The following CDH4 variants were observed in gnomAD, a reference collection of about 807,000 sequenced individuals.
The protein encoded by CDH4 is cadherin 4.
CDH4 carries 33 observed loss-of-function variants against 86.0 expected under a neutral mutation model. The ratio of observed to expected loss-of-function variants is 0.38; its 90% CI spans 0.29 to 0.51. The LOEUF is 0.51. CDH4 is among the 20% of genes least tolerant of loss of function. The pLI, the probability that CDH4 is intolerant of heterozygous loss-of-function variation, is 0.86. For missense variants in CDH4, 1,114 were observed against 1,307.4 expected, an observed-to-expected ratio of 0.85 and a Z score of 2.28; for synonymous variants, 555 against 549.4, an observed-to-expected ratio of 1.01 and a Z score of -0.14.
chr20:61,554,303 G>A (rs1260486865), intron 2 of CDH4, among the ~76,000 whole-genome samples: 1 of 152,184 alleles, frequency 6.6e-6, no homozygotes, highest in Non-Finnish European at 1.5e-5. Context: ...AGCTGATGAA[G>A]CTAAATTGCT....
chr20:61,353,684 CCCTCCT>C (rs2084728927), intron 2 of CDH4, among the ~76,000 whole-genome samples: 1 of 10,040 alleles, frequency 1.0e-4, no homozygotes, highest in Non-Finnish European at 1.8e-4. Context: ...CTCCTCCTCC[CCCTCCT>C]CCTCCCCTCC....
At chr20:61,565,062 T>TGG (rs2086254186) in intron 2 of CDH4, among the ~76,000 whole-genome samples, 1 of 101,218 alleles carries the variant, frequency 9.9e-6, no homozygotes, top group Admixed American at 1.0e-4. Flanking sequence ...GGTGGTGCTC[T>TGG]TGGTGGTGGT....
intron 4 of CDH4, among the ~76,000 whole-genome samples, chr20:61,825,785 A>G (rs1461592603): frequency 2.0e-5 from 3 of 152,178 alleles, no homozygotes; most frequent in Admixed American, 6.5e-5. Context: ...TTCATGTCCA[A>G]CCGAACACCT....
chr20:61,699,589 C>G (rs1469329498), intron 2 of CDH4, among the ~76,000 whole-genome samples: 6 of 152,224 alleles, frequency 3.9e-5, no homozygotes, highest in Non-Finnish European at 5.9e-5. Context: ...CAGCTTCCTG[C>G]CAAGTCATGT....
intron 3 of CDH4, among the ~76,000 whole-genome samples, chr20:61,750,362 A>C (rs561376160): frequency 6.6e-6 from 1 of 152,340 alleles, no homozygotes; most frequent in Admixed American, 6.5e-5. Flanking sequence ...ATACCAATAC[A>C]CTTAAAAATA....
chr20:61,877,055 GC>G (rs1403849959), intron 7 of CDH4, among the ~76,000 whole-genome samples: 1 of 152,162 alleles, frequency 6.6e-6, no homozygotes, highest in Non-Finnish European at 1.5e-5. Flanking sequence ...CCCCCAGCTG[GC>G]CTGGTGCACC....
intron 2 of CDH4, among the ~76,000 whole-genome samples, chr20:61,391,009 G>C (rs1161754288): frequency 3.9e-5 from 6 of 152,142 alleles, no homozygotes; most frequent in African/African-American, 1.4e-4. Context: ...ATACAAGCTG[G>C]GGAAGAGGAG....
intron 2 of CDH4, among the ~76,000 whole-genome samples, chr20:61,655,927 G>A (rs764228793): frequency 6.6e-6 from 1 of 152,206 alleles, no homozygotes; most frequent in Admixed American, 6.5e-5. Flanking sequence ...AGAGGACGTG[G>A]TTCTGAACAT....
chr20:61,726,901 A>C (rs116905405), intron 2 of CDH4, among the ~76,000 whole-genome samples: 1 of 151,748 alleles, frequency 6.6e-6, no homozygotes, highest in Non-Finnish European at 1.5e-5. Flanking sequence ...CATCATCATC[A>C]CTATCAGTGA....
At chr20:61,596,605 A>T (rs979352864) in intron 2 of CDH4, among the ~76,000 whole-genome samples, 2 of 152,192 alleles carry the variant, frequency 1.3e-5, no homozygotes, top group African/African-American at 2.4e-5. Context: ...ACAGTGGCTA[A>T]TGTTTACTGA....
chr20:61,322,790 G>A lies in CDH4; in HGVS notation c.169+67853G>A, dbSNP rs532501022. 3.9e-5 allele frequency among the ~76,000 whole-genome samples: 6 copies of A among 152,336 alleles called. No individual in the cohort carries two copies. In the East Asian group the frequency reaches 1.2e-3, roughly 29 times the overall value. On this transcript the variant is annotated intron_variant, in intron 2 of 15. Coordinates refer to ENST00000614565, the MANE Select transcript of CDH4 (RefSeq NM_001794.5). Reference sequence around the variant, plus strand: ...AACTGGAGAGGAAAGTGACAGACTGGGGTGGGGGCCCCTGGTTCAGTTCCC... The same window carrying A: ...AACTGGAGAGGAAAGTGACAGACTGAGGTGGGGGCCCCTGGTTCAGTTCCC...
intron 2 of CDH4, among the ~76,000 whole-genome samples, chr20:61,543,090 C>T (rs1199511143): frequency 6.6e-6 from 1 of 152,250 alleles, no homozygotes; most frequent in East Asian, 1.9e-4. Flanking sequence ...AGTCCTTCCA[C>T]GTTCCTCTGC....
At chr20:61,408,894 G>A (rs756131954) in intron 2 of CDH4, among the ~76,000 whole-genome samples, 13 of 152,274 alleles carry the variant, frequency 8.5e-5, no homozygotes, top group East Asian at 1.9e-4. Context: ...AGATGGCCAC[G>A]GGGTCACGGG....
intron 2 of CDH4, among the ~76,000 whole-genome samples, chr20:61,268,958 G>C (rs929800101): frequency 2.6e-5 from 4 of 152,154 alleles, no homozygotes; most frequent in African/African-American, 9.7e-5. Context: ...GGTGGGGACA[G>C]CCGCTGGTGT....
At chr20:61,286,683 ATG>A (rs1246082970) in intron 2 of CDH4, among the ~76,000 whole-genome samples, 1 of 152,234 alleles carries the variant, frequency 6.6e-6, no homozygotes, top group Non-Finnish European at 1.5e-5. Flanking sequence ...AAATAAAACA[ATG>A]AGAAGAGTTG....
At chr20:61,929,923 G>A (rs931910989) in intron 13 of CDH4, 81 bp downstream of exon 13, 7 of 1,106,526 alleles carry the variant, frequency 6.3e-6, no homozygotes, top group African/African-American at 4.6e-5. Context: ...GCAGAGGGGG[G>A]CCTGGATTTG....
intron 2 of CDH4, among the ~76,000 whole-genome samples, chr20:61,266,589 G>C (rs951935268): frequency 6.6e-6 from 1 of 151,874 alleles, no homozygotes; most frequent in African/African-American, 2.4e-5. Context: ...AAGGAGAAAC[G>C]CAGGCTGCAG....
At chr20:61,454,071 G>A (rs2085394407) in intron 2 of CDH4, among the ~76,000 whole-genome samples, 2 of 152,168 alleles carry the variant, frequency 1.3e-5, no homozygotes. Context: ...ACCCAGTTTC[G>A]GTAGTTCTTC....
Position 61,565,136 on chromosome 20 carries a change from C to CGCGGTG in CDH4, c.170-178427_170-178426insGCGGTG, listed in dbSNP as rs1568688137. The stretch of plus-strand genomic sequence containing the variant: ...TGCTGGTGCTCTTGGTGGTGCTGGT[C>CGCGGTG]CTCTTGGTGTTGGTAGTGGTCCTCT... On this transcript the variant is annotated intron_variant, in intron 2 of 15. Coordinates refer to ENST00000614565, the MANE Select transcript of CDH4 (RefSeq NM_001794.5). Among the ~76,000 whole-genome samples, 23 of 67,148 alleles carry CGCGGTG rather than the reference C, an allele frequency of 3.4e-4. 1 individual carries two copies. The highest frequency in any genetic ancestry group is 1.1e-3 in the East Asian group (3 of 2,610). 44.1% of individuals were successfully genotyped at this position (67,148 alleles called of 152,430 possible). A position where few individuals can be genotyped will look rare whatever the true frequency, so the allele number is the denominator to read the frequency against.
Sources: allele counts gnomAD v4.1 joint callset (sites outside exome capture counted in the v4.1 genomes callset), GRCh38; gene constraint gnomAD v4.1.1; transcripts MANE v1.5; gene names NCBI Gene and HGNC (gene_info 2026-07-23, HGNC 2026-07-21).